The following BRINP2 variants were observed in gnomAD, a reference collection of about 807,000 sequenced individuals.
BRINP2 encodes the protein BMP/retinoic acid inducible neural specific 2, also known as BMP/retinoic acid-inducible neural-specific protein 2.
BRINP2 carries 21 observed loss-of-function variants against 69.2 expected under a neutral mutation model. The ratio of observed to expected loss-of-function variants is 0.30; its 90% confidence interval spans 0.22 to 0.44. BRINP2 has a LOEUF of 0.44. Among genes scored for constraint, BRINP2 ranks in the 20% least tolerant of loss-of-function variants. The pLI, the probability that BRINP2 is intolerant of heterozygous loss-of-function variation, is 1.00. For missense variants in BRINP2, 877 were observed against 986.0 expected (o/e 0.89, Z 1.48); for synonymous variants, 380 against 394.1 (o/e 0.96, Z 0.42).
At chr1:177,264,421 C>T (rs556092391) in intron 4 of BRINP2, among the ~76,000 whole-genome samples, 41 of 152,304 alleles carry the variant, frequency 2.7e-4, no homozygotes, top group African/African-American at 9.9e-4. Flanking sequence ...CCCTCTCTCA[C>T]CACTCCTATT....
At chr1:177,236,423 A>G (rs111823785) in intron 2 of BRINP2, among the ~76,000 whole-genome samples, 2,114 of 152,332 alleles carry the variant, frequency 0.014, 51 homozygotes, top group African/African-American at 0.048. Flanking sequence ...GTCTTGGAGC[A>G]AGGAGAAATT....
chr1:177,198,467 G>T (rs1047047516), intron 1 of BRINP2, among the ~76,000 whole-genome samples: 1 of 152,170 alleles, frequency 6.6e-6, no homozygotes, highest in Non-Finnish European at 1.5e-5. Flanking sequence ...GAGGTCAGAT[G>T]TGAGACCTTG....
At chr1:177,278,856 C>G (rs1232846453) in intron 7 of BRINP2, 71 bp downstream of exon 7, 2 of 1,479,290 alleles carry the variant, frequency 1.4e-6, no homozygotes, top group Non-Finnish European at 1.9e-6. Flanking sequence ...CAAGGAGAAC[C>G]CTCTGTCCAA....
Position 177,181,722 on chromosome 1 carries a change from G to T in BRINP2, c.-77+9990G>T, listed in dbSNP as rs568873926. 5.4e-4 allele frequency among the ~76,000 whole-genome samples: 83 copies of T among 152,296 alleles called. 1 individual carries two copies. Among genetic ancestry groups the T allele is most frequent in the Non-Finnish European group, 7.3e-4 (50 of 68,032 alleles). On this transcript the variant is annotated intron_variant, in intron 1 of 7. Coordinates refer to ENST00000361539, the MANE Select transcript of BRINP2 (RefSeq NM_021165.4). ...GGGGCAGGTGGCTGACGGGTGTGCC[G>T]GCGGCTGGCGGGGTCTTGGGAGGCG...
At chr1:177,214,585 T>C (rs1418432335) in intron 1 of BRINP2, among the ~76,000 whole-genome samples, 1 of 152,176 alleles carries the variant, frequency 6.6e-6, no homozygotes, top group Non-Finnish European at 1.5e-5. Flanking sequence ...ACCCTTCATT[T>C]GGCACCAACA....
chr1:177,238,062 C>A (rs1416370161), intron 2 of BRINP2, among the ~76,000 whole-genome samples: 3 of 152,142 alleles, frequency 2.0e-5, no homozygotes, highest in African/African-American at 7.2e-5. Context: ...CTTCATTCAG[C>A]CCATGTTTAT....
At chr1:177,241,452 C>T (rs188756826) in intron 2 of BRINP2, among the ~76,000 whole-genome samples, 1 of 152,296 alleles carries the variant, frequency 6.6e-6, no homozygotes, top group Admixed American at 6.5e-5. Flanking sequence ...TTACTCTCCC[C>T]AATTCCTAGA....
intron 1 of BRINP2, 74 bp from the exon 2 acceptor site, chr1:177,229,727 C>G: frequency 1.8e-6 from 2 of 1,117,508 alleles, no homozygotes; most frequent in Non-Finnish European, 2.5e-6. Context: ...GGGCCCAACC[C>G]AATTATGTGT....
At chr1:177,225,591 G>T (rs930414198) in intron 1 of BRINP2, among the ~76,000 whole-genome samples, 16 of 152,184 alleles carry the variant, frequency 1.1e-4, no homozygotes, top group Admixed American at 8.5e-4. Context: ...TGAGGATTTA[G>T]ACAGTTAAAA....
chr1:177,257,125 G>A, intron 3 of BRINP2, 51 bp from the exon 4 acceptor site: 2 of 1,606,406 alleles, frequency 1.2e-6, no homozygotes, highest in Non-Finnish European at 1.7e-6. Flanking sequence ...CTATTGGTAG[G>A]GGATTCGAGA....
At chr1:177,182,382 TCA>T (rs1214753945) in intron 1 of BRINP2, among the ~76,000 whole-genome samples, 1 of 152,132 alleles carries the variant, frequency 6.6e-6, no homozygotes. Flanking sequence ...AAAGAGAAAT[TCA>T]CAGATTTTAA....
chr1:177,224,707 A>G (rs749930937), intron 1 of BRINP2, among the ~76,000 whole-genome samples: 5 of 152,142 alleles, frequency 3.3e-5, no homozygotes, highest in Non-Finnish European at 7.3e-5. Flanking sequence ...CATGCAATTT[A>G]ATTATCCATT....
chr1:177,226,071 C>T (rs1312101545), intron 1 of BRINP2, among the ~76,000 whole-genome samples: 7 of 152,208 alleles, frequency 4.6e-5, no homozygotes, highest in Admixed American at 1.3e-4. Context: ...AAGAAGCACC[C>T]GTTGACTTAA....
At position 177,273,564 on chromosome 1, in the gene BRINP2, A is replaced by G. The variant is rs1297316379; in HGVS notation, c.746A>G (p.Gln249Arg). ...GACTCAGTCAGTTCTGTCTTGGTAC[A>G]GAGTCCAGAGAACAAAGTACAGTTA... ...NLDSVSSVLV[Q>R]SPENKVQLLG... The change falls in exon 5 of 8, where the codon CAG becomes CGG. Residue 249 changes from glutamine (Q) to arginine (R), a missense_variant. Around this residue, in one of 3 missense-constraint regions of BRINP2, gnomAD observed 566 missense variants for 625.2 expected, o/e 0.91. Transcript: ENST00000361539. 3 of 1,602,486 alleles carry G rather than the reference A, an allele frequency of 1.9e-6. No homozygotes were observed. The highest frequency in any genetic ancestry group is 2.6e-6 in the Non-Finnish European group (3 of 1,173,708).
At chr1:177,206,524 G>T (rs1470336402) in intron 1 of BRINP2, among the ~76,000 whole-genome samples, 1 of 152,166 alleles carries the variant, frequency 6.6e-6, no homozygotes, top group Non-Finnish European at 1.5e-5. Context: ...GAAAGGAGAT[G>T]CAGAACTCTG....
intron 6 of BRINP2, among the ~76,000 whole-genome samples, chr1:177,278,332 G>A (rs1268817617): frequency 1.3e-5 from 2 of 149,252 alleles, no homozygotes; most frequent in East Asian, 3.9e-4. Flanking sequence ...AAATTCAGAG[G>A]CATAGGAGTA....
At position 177,219,925 on chromosome 1, in the gene BRINP2, C is replaced by A. The variant is rs78772624; in HGVS notation, c.-76-9876C>A. 3.5e-3 allele frequency among the ~76,000 whole-genome samples: 526 copies of A among 152,304 alleles called. 4 individuals are homozygous for A. The East Asian group carries it at 0.045, about 13-fold the overall frequency. On this transcript the variant is annotated intron_variant, in intron 1 of 7. Transcript: ENST00000361539. The stretch of plus-strand genomic sequence containing the variant: ...GGCTTAAGCAACAGAAGCCAGTCTG[C>A]TGGGAGGAGGCAGGGACAGAGAAGG...
chr1:177,245,950 A>C (rs1650363738), intron 2 of BRINP2, among the ~76,000 whole-genome samples: 1 of 152,200 alleles, frequency 6.6e-6, no homozygotes, highest in Non-Finnish European at 1.5e-5. Flanking sequence ...TAATTAGAGC[A>C]AAATTGGGAA....
chr1:177,241,058 G>A (rs760327406), intron 2 of BRINP2, among the ~76,000 whole-genome samples: 10 of 151,486 alleles, frequency 6.6e-5, no homozygotes, highest in South Asian at 4.2e-4. Context: ...TGTAAACTCC[G>A]CCTCCCGGGT....
Sources: allele counts gnomAD v4.1 joint callset (sites outside exome capture counted in the v4.1 genomes callset), GRCh38; gene constraint gnomAD v4.1.1; regional missense constraint gnomAD v4.1.1; transcripts MANE v1.5; gene names NCBI Gene and HGNC (gene_info 2026-07-23, HGNC 2026-07-21).